The following COTL1 variants were observed in gnomAD, a reference collection of about 807,000 sequenced individuals.
The protein encoded by COTL1 is coactosin like F-actin binding protein 1.
In COTL1, 15 loss-of-function variants were observed where a neutral mutation model predicts 16.5. The observed-to-expected ratio is 0.91, with a 90% CI of 0.61 to 1.40. The LOEUF (loss-of-function observed/expected upper bound fraction) is 1.40. Among genes scored for constraint, COTL1 ranks in the 40% most tolerant of loss-of-function variants. The pLI, the probability that COTL1 is intolerant of heterozygous loss-of-function variation, is 0.00. For missense variants in COTL1, 220 were observed against 201.5 expected (o/e 1.09, Z -0.56); for synonymous variants, 112 against 85.3 (o/e 1.31, Z -1.73).
chr16:84,573,491 A>G (rs1044675069), intron 3 of COTL1, among the ~76,000 whole-genome samples: 3 of 152,222 alleles, frequency 2.0e-5, no homozygotes, highest in Non-Finnish European at 4.4e-5. Flanking sequence ...TTCAAAATAC[A>G]CAAAACTTGG....
rs986537974 is a variant in COTL1 at position 84,570,074 on chromosome 16, G to C, written c.319-3119C>G. 9.2e-5 allele frequency among the ~76,000 whole-genome samples: 14 copies of C among 152,272 alleles called. No individual in the cohort carries two copies. In the East Asian group the frequency reaches 2.5e-3, roughly 27 times the overall value. On this transcript the variant is annotated intron_variant, in intron 3 of 3. Transcript: ENST00000262428. ...GAGCAGATCATGAGGTCAGGAGATCGAGACCAGCCTGGCCAACACGGTGAA... is the reference window on the plus strand; with the variant it reads ...GAGCAGATCATGAGGTCAGGAGATCCAGACCAGCCTGGCCAACACGGTGAA...
intron 3 of COTL1, among the ~76,000 whole-genome samples, chr16:84,571,206 C>T (rs1285432626): frequency 6.6e-6 from 1 of 152,136 alleles, no homozygotes; most frequent in African/African-American, 2.4e-5. Context: ...CTCCCGTCCT[C>T]ACACGAGAGC....
intron 2 of COTL1, among the ~76,000 whole-genome samples, chr16:84,603,004 T>C (rs9924635): frequency 9.2e-4 from 140 of 152,276 alleles, no homozygotes; most frequent in African/African-American, 3.2e-3. Context: ...CGCAGCTGGC[T>C]TGAAACCTCA....
chr16:84,600,178 C>A lies in COTL1; in HGVS notation c.161-9916G>T, dbSNP rs534201660. 2.1e-4 allele frequency among the ~76,000 whole-genome samples: 32 copies of A among 152,230 alleles called. 1 individual carries two copies. Among genetic ancestry groups the A allele is most frequent in the African/African-American group, 7.2e-4 (30 of 41,544 alleles). The stretch of plus-strand genomic sequence containing the variant: ...TCCCTGCAGTTGACAAAAACAAAAC[C>A]AAACCAAAAACACCCTCCTGTCCTG... On this transcript the variant is annotated intron_variant, in intron 2 of 3. Transcript: ENST00000262428.
Position 84,617,876 on chromosome 16 carries a change from C to T in COTL1, c.39G>A (p.Ala13=). ...TKIDKEACRA[A]YNLVRDDGSA... Reference sequence around the variant, plus strand: ...AGCCGTCGTCGCGCACCAGGTTGTACGCCGCCCGGCAAGCCTCTTTGTCGA... The same window carrying T: ...AGCCGTCGTCGCGCACCAGGTTGTATGCCGCCCGGCAAGCCTCTTTGTCGA... The change falls in exon 1 of 4, where the codon GCG becomes GCA. Residue 13 remains alanine, a synonymous_variant. Coordinates refer to ENST00000262428, the MANE Select transcript of COTL1 (RefSeq NM_021149.5). 1 of 1,572,610 alleles carries T rather than the reference C, an allele frequency of 6.4e-7. No homozygotes were observed. Among genetic ancestry groups the T allele is most frequent in the African/African-American group, 1.4e-5 (1 of 74,026 alleles).
chr16:84,574,528 G>A (rs979323262), intron 3 of COTL1, among the ~76,000 whole-genome samples: 4 of 152,212 alleles, frequency 2.6e-5, no homozygotes, highest in African/African-American at 7.2e-5. Flanking sequence ...CACTCCAAGC[G>A]GCTGAAGCTG....
intron 3 of COTL1, among the ~76,000 whole-genome samples, chr16:84,573,177 A>T (rs1904369996): frequency 6.6e-6 from 1 of 152,228 alleles, no homozygotes. Flanking sequence ...CAATGTAATC[A>T]ATGCTAAAAG....
At chr16:84,568,100 C>G (rs796258129) in intron 3 of COTL1, 16 of 152,340 alleles carry the variant, frequency 1.1e-4, no homozygotes, top group African/African-American at 3.6e-4. Context: ...AGGGTTCAAG[C>G]CATTCTCATG....
At chr16:84,583,824 G>A (rs1002494377) in intron 3 of COTL1, among the ~76,000 whole-genome samples, 5 of 152,062 alleles carry the variant, frequency 3.3e-5, no homozygotes, top group African/African-American at 1.2e-4. Flanking sequence ...TCCCTGGCAC[G>A]TCCATCCTTC....
In COTL1 at chr16:84,574,433, C is replaced by T. The variant is rs142607122; in HGVS notation, c.319-7478G>A. 6.5e-3 allele frequency among the ~76,000 whole-genome samples: 983 copies of T among 152,216 alleles called. 11 individuals carry two copies. Among genetic ancestry groups the T allele is most frequent in the African/African-American group, 0.022 (932 of 41,520 alleles). ...TTTGTTTTGTCTGGGAACTCGGTGT[C>T]GCTCTCTCATAGCTGCCAGACGGGG... On this transcript the variant is annotated intron_variant, in intron 3 of 3. Coordinates refer to ENST00000262428, the MANE Select transcript of COTL1 (RefSeq NM_021149.5).
In COTL1 at chr16:84,566,962, G is replaced by C. The variant is rs752759974; in HGVS notation, c.319-7C>G. Reference sequence around the variant, plus strand: ...CAAACTCCTTAGCGAAATTCTGCAAGAACAAAGGAAAACACAGCGTTCCTA... The same window carrying C: ...CAAACTCCTTAGCGAAATTCTGCAACAACAAAGGAAAACACAGCGTTCCTA... On this transcript the variant is annotated splice_region_variant and splice_polypyrimidine_tract_variant and intron_variant, in intron 3 of 3. Transcript: ENST00000262428. 1.9e-6 allele frequency: 3 copies of C among 1,598,980 alleles called. No individual in the cohort carries two copies. Among genetic ancestry groups the C allele is most frequent in the Non-Finnish European group, 2.6e-6 (3 of 1,166,384 alleles).
intron 2 of COTL1, among the ~76,000 whole-genome samples, chr16:84,594,078 TC>T (rs34212285): frequency 6.6e-6 from 1 of 152,182 alleles, no homozygotes; most frequent in Admixed American, 6.6e-5. Context: ...CCAAGGATCA[TC>T]CCTGCTGCCG....
Position 84,590,850 on chromosome 16 carries a change from G to C in COTL1, c.161-588C>G, listed in dbSNP as rs1904844551. On this transcript the variant is annotated intron_variant, in intron 2 of 3. Transcript: ENST00000262428. The surrounding 1 kb of genome is among the most constrained non-coding windows in gnomAD (Gnocchi z 5.5). ...GTAGAGAGACAGGAGGGGCAAGGGG[G>C]GTGCTGGGTATGAAGAGGAAACAAA... 3.3e-5 allele frequency among the ~76,000 whole-genome samples: 5 copies of C among 152,130 alleles called. No individual in the cohort carries two copies. In the South Asian group the frequency reaches 8.3e-4, roughly 25 times the overall value.
At chr16:84,612,636 T>C (rs1905358349) in intron 2 of COTL1, among the ~76,000 whole-genome samples, 1 of 151,384 alleles carries the variant, frequency 6.6e-6, no homozygotes, top group Non-Finnish European at 1.5e-5. Flanking sequence ...TACAAAAACT[T>C]GCCGTGTGTG....
chr16:84,605,902 G>A lies in COTL1; in HGVS notation c.160+11599C>T, dbSNP rs139092908. 2.5e-3 allele frequency among the ~76,000 whole-genome samples: 375 copies of A among 152,330 alleles called. 1 individual carries two copies. The highest frequency in any genetic ancestry group is 4.0e-3 in the Non-Finnish European group (273 of 68,036). ...ACACAATGACCCTGGCTAATGCCTG[G>A]CCTAATAAAGGTCCACTGTTAACCA... is the stretch of plus-strand genomic sequence containing the variant. On this transcript the variant is annotated intron_variant, in intron 2 of 3. Coordinates refer to ENST00000262428, the MANE Select transcript of COTL1 (RefSeq NM_021149.5).
At chr16:84,596,067 A>T (rs761956714) in intron 2 of COTL1, 5 of 151,862 alleles carry the variant, frequency 3.3e-5, no homozygotes, top group Non-Finnish European at 7.4e-5. Flanking sequence ...TTGGTCCCCA[A>T]CAGGGCCAAT....
At chr16:84,582,098 G>A (rs757679667) in intron 3 of COTL1, among the ~76,000 whole-genome samples, 4 of 145,902 alleles carry the variant, frequency 2.7e-5, no homozygotes, top group East Asian at 2.1e-4. Context: ...AGCAATTCTC[G>A]TGCCTCAGCC....
chr16:84,587,287 G>C (rs796151936), intron 3 of COTL1, among the ~76,000 whole-genome samples: 2 of 152,134 alleles, frequency 1.3e-5, no homozygotes, highest in Non-Finnish European at 2.9e-5. Flanking sequence ...GCATTTCCTC[G>C]GTCCCAGGCA....
rs575739845 is a variant in COTL1 at position 84,580,943 on chromosome 16, C to G, written c.318+9162G>C. Among the ~76,000 whole-genome samples the G allele has an allele frequency of 2.6e-5, 4 of 152,228 alleles. No individual in the cohort carries two copies. In the East Asian group the frequency reaches 7.7e-4, roughly 29 times the overall value. On this transcript the variant is annotated intron_variant, in intron 3 of 3. Transcript: ENST00000262428. ...CAGATCACCTGAGGTCAGTCTGAGA[C>G]CAGCCTGGCCAACATGGTGAAACCC...
Sources: gnomAD v4.1 joint callset for allele counts (sites outside exome capture counted in the v4.1 genomes callset) on GRCh38, gnomAD v4.1.1 for gene constraint, Gnocchi (gnomAD v3.1) non-coding constraint, MANE v1.5 for transcripts, NCBI Gene and HGNC (gene_info 2026-07-23, HGNC 2026-07-21) for gene names.